Variants in MYOCD observed in about 807,000 individuals in gnomAD.
The protein encoded by MYOCD is myocardin.
A neutral mutation model predicts 96.1 loss-of-function variants in MYOCD; 32 were observed. The ratio of observed to expected loss-of-function variants is 0.33; its 90% CI spans 0.25 to 0.45. The LOEUF (loss-of-function observed/expected upper bound fraction) is 0.45, where lower values mean the gene tolerates loss of function less well. Ranked by LOEUF, MYOCD falls within the 20% of genes least tolerant of loss-of-function variation. The probability of loss-of-function intolerance (pLI) is 1.00; values close to 1 mark genes in which losing one functional copy is unlikely to be tolerated. For synonymous variants in MYOCD, 469 were observed against 469.0 expected (o/e 1.00, Z 0.00); for missense variants, 1,133 against 1,200.6 (o/e 0.94, Z 0.83).
chr17:12,760,429 G>C lies in MYOCD; in HGVS notation c.2332-221G>C, dbSNP rs2033137360. On this transcript the variant is annotated intron_variant, in intron 12 of 13. Transcript: ENST00000425538. ...GAAAAGAATTCTGAAGACAGATGGT[G>C]GTGATGGTCACACAATTGTGTGAAT... is the stretch of plus-strand genomic sequence containing the variant. 3 of 506,930 alleles carry C rather than the reference G, an allele frequency of 5.9e-6. No homozygotes were observed. In the South Asian group the frequency reaches 7.2e-5, roughly 12 times the overall value. The allele number at this position is 506,930 out of a possible 1,614,324, so 31.4% of individuals were successfully genotyped here. A position where few individuals can be genotyped will look rare whatever the true frequency, so the allele number is the denominator to read the frequency against.
rs1463023110 is a variant in MYOCD at position 12,764,397 on chromosome 17, T to A, written c.*753T>A. The A allele has an allele frequency of 6.6e-6, 1 of 152,308 alleles. No homozygotes were observed. The highest frequency in any genetic ancestry group is 6.5e-5 in the Admixed American group (1 of 15,288). The allele number at this position is 152,308 out of a possible 1,614,324, so 9.4% of individuals were successfully genotyped here. ...CCATCTCTGTGCTGATAAGTACGTGTCCTAGATGAGAACCCTGAAGAATGC... is the reference window on the plus strand; with the variant it reads ...CCATCTCTGTGCTGATAAGTACGTGACCTAGATGAGAACCCTGAAGAATGC... On this transcript the variant is annotated 3_prime_UTR_variant, in exon 14 of 14. Coordinates refer to ENST00000425538, the MANE Select transcript of MYOCD (RefSeq NM_001146312.3).
At chr17:12,751,308 T>C (rs2032846402) in intron 9 of MYOCD, among the ~76,000 whole-genome samples, 1 of 151,582 alleles carries the variant, frequency 6.6e-6, no homozygotes, top group African/African-American at 2.4e-5. Flanking sequence ...TGTACATACA[T>C]TGTTTATATA....
chr17:12,693,540 GCAGCGGTGGCAGT>G (rs2030572482), intron 1 of MYOCD, among the ~76,000 whole-genome samples: 1 of 151,848 alleles, frequency 6.6e-6, no homozygotes, highest in Non-Finnish European at 1.5e-5. Flanking sequence ...AACCTGGGAG[GCAGCGGTGGCAGT>G]GAGCCAAGAT....
At chr17:12,756,289 T>C in intron 10 of MYOCD, 125 bp from the exon 11 acceptor site, 1 of 1,141,726 alleles carries the variant, frequency 8.8e-7, no homozygotes, top group Admixed American at 2.0e-5. Context: ...CATCTGGTAA[T>C]GGAATTTAGG....
rs765105192 is a variant in MYOCD at position 12,763,403 on chromosome 17, G to A, written c.2720G>A (p.Gly907Asp). 5.6e-6 allele frequency: 9 copies of A among 1,606,032 alleles called. No individual in the cohort carries two copies. The highest frequency in any genetic ancestry group is 7.7e-6 in the Non-Finnish European group (9 of 1,175,136). Reference protein sequence around the residue: ...DLFNAHEILPGPLSPMQTQFS... With the variant: ...DLFNAHEILPDPLSPMQTQFS... ...TTCAATGCACATGAGATCTTGCCAGGCCCCCTCTCTCCAATGCAGACACAG... is the reference window on the plus strand; with the variant it reads ...TTCAATGCACATGAGATCTTGCCAGACCCCCTCTCTCCAATGCAGACACAG... The change falls in exon 14 of 14, where the codon GGC becomes GAC. Residue 907 changes from glycine to aspartate, a missense_variant. Transcript: ENST00000425538.
intron 5 of MYOCD, among the ~76,000 whole-genome samples, chr17:12,734,504 C>CTTTTTTTTTTT (rs3050319): frequency 3.1e-5 from 2 of 65,476 alleles, no homozygotes; most frequent in African/African-American, 6.4e-5. Context: ...ACACATGATC[C>CTTTTTTTTTTT]TTTTTTTTTT....
chr17:12,741,341 C>A (rs2032501929), intron 7 of MYOCD, among the ~76,000 whole-genome samples: 1 of 152,082 alleles, frequency 6.6e-6, no homozygotes, highest in Non-Finnish European at 1.5e-5. Flanking sequence ...GGAGATGAGT[C>A]CCGTTATTTC....
chr17:12,758,342 TA>T, intron 12 of MYOCD, 129 bp downstream of exon 12: 1 of 1,347,620 alleles, frequency 7.4e-7, no homozygotes, highest in South Asian at 1.4e-5. Flanking sequence ...ACCACCAAAA[TA>T]AGCAAATTAT....
At chr17:12,728,402 A>G (rs1409484173) in intron 5 of MYOCD, among the ~76,000 whole-genome samples, 2 of 152,196 alleles carry the variant, frequency 1.3e-5, no homozygotes, top group African/African-American at 4.8e-5. Context: ...TTTCAGCTCC[A>G]AAAGACAAGC....
At chr17:12,701,675 G>A (rs1432395372) in intron 1 of MYOCD, among the ~76,000 whole-genome samples, 1 of 151,998 alleles carries the variant, frequency 6.6e-6, no homozygotes, top group African/African-American at 2.4e-5. Context: ...AAAACTCTAA[G>A]TTTCCCTCTC....
At chr17:12,731,703 C>T (rs996990639) in intron 5 of MYOCD, among the ~76,000 whole-genome samples, 4 of 152,190 alleles carry the variant, frequency 2.6e-5, no homozygotes, top group Non-Finnish European at 4.4e-5. Context: ...CCAACTGTCA[C>T]GCTATCCCTG....
At position 12,717,213 on chromosome 17, in the gene MYOCD, T is replaced by G. The variant is rs1240581723; in HGVS notation, c.178-133T>G. 2.1e-5 allele frequency: 14 copies of G among 654,446 alleles called. No homozygotes were observed. In the Admixed American group the frequency reaches 2.6e-4, roughly 12 times the overall value. The allele number at this position is 654,446 out of a possible 1,614,324, so 40.5% of individuals were successfully genotyped here. On this transcript the variant is annotated intron_variant, in intron 3 of 13. Transcript: ENST00000425538. ...CTCGAGGGGTCTTTGGAAATGTTCC[T>G]TCATCAAAATGTGGGACACCAAGAA... is the stretch of plus-strand genomic sequence containing the variant.
intron 1 of MYOCD, among the ~76,000 whole-genome samples, chr17:12,686,802 AG>A (rs1246051647): frequency 6.6e-6 from 1 of 152,180 alleles, no homozygotes; most frequent in Non-Finnish European, 1.5e-5. Flanking sequence ...TGGAAAGGGA[AG>A]GGTTCCCTCT....
At chr17:12,716,351 C>T (rs1161651203) in intron 3 of MYOCD, among the ~76,000 whole-genome samples, 2 of 111,724 alleles carry the variant, frequency 1.8e-5, no homozygotes, top group East Asian at 5.2e-4. Flanking sequence ...GGAGTGATTC[C>T]CAGACCCCTC....
intron 4 of MYOCD, among the ~76,000 whole-genome samples, chr17:12,719,174 CAAAAAAAAAAAAAAAA>C (rs71144920): frequency 6.1e-5 from 3 of 49,158 alleles, no homozygotes; most frequent in African/African-American, 1.2e-4. Context: ...GACTCTGTCT[CAAAAAAAAAAAAAAAA>C]AAAAAAAAAA....
Position 12,763,427 on chromosome 17 carries a change from A to G in MYOCD, c.2744A>G (p.Gln915Arg), listed in dbSNP as rs577405170. Residue 915 changes from glutamine (Q) to arginine (R), a missense_variant, in exon 14 of 14, where the codon CAG (glutamine) becomes CGG (arginine). Physicochemically the swap from Gln to Arg is conservative, Grantham distance 43. Coordinates refer to ENST00000425538, the MANE Select transcript of MYOCD (RefSeq NM_001146312.3). ...LPGPLSPMQTQFSPSSVDSNG... is the reference protein window; with the variant it reads ...LPGPLSPMQTRFSPSSVDSNG... ...GGCCCCCTCTCTCCAATGCAGACAC[A>G]GTTTTCACCCTCTTCTGTGGACAGC... The G allele has an allele frequency of 3.8e-5, 62 of 1,612,448 alleles. No homozygotes were observed. The highest frequency in any genetic ancestry group is 5.0e-5 in the Non-Finnish European group (59 of 1,178,966).
At chr17:12,752,135 G>A (rs1408608162) in intron 9 of MYOCD, among the ~76,000 whole-genome samples, 3 of 152,112 alleles carry the variant, frequency 2.0e-5, no homozygotes, top group East Asian at 3.9e-4. Context: ...GAGGGATGAC[G>A]GGCAGTAGAT....
chr17:12,768,201 C>T lies in MYOCD; in HGVS notation c.*4557C>T, dbSNP rs566747622. 1 of 152,090 alleles carries T rather than the reference C, an allele frequency of 6.6e-6. No individual in the cohort carries two copies. The highest frequency in any genetic ancestry group is 1.5e-5 in the Non-Finnish European group (1 of 68,016). The allele number at this position is 152,090 out of a possible 1,614,324, so 9.4% of individuals were successfully genotyped here. A position where few individuals can be genotyped will look rare whatever the true frequency, so the allele number is the denominator to read the frequency against. ...GCCCAGGTCCTGGAACAAGACAATC[C>T]TGTAGTGCCAAGATCTGGTCAGTTG... On this transcript the variant is annotated 3_prime_UTR_variant, in exon 14 of 14. Coordinates refer to ENST00000425538, the MANE Select transcript of MYOCD (RefSeq NM_001146312.3).
At chr17:12,747,258 C>T (rs762178296) in intron 9 of MYOCD, among the ~76,000 whole-genome samples, 4 of 152,184 alleles carry the variant, frequency 2.6e-5, no homozygotes, top group East Asian at 1.9e-4. Context: ...TTGTATGAGA[C>T]GTGAGTGGAA....
Sources: gnomAD v4.1 joint callset for allele counts (sites outside exome capture counted in the v4.1 genomes callset) on GRCh38, gnomAD v4.1.1 for gene constraint, MANE v1.5 for transcripts, NCBI Gene and HGNC (gene_info 2026-07-23, HGNC 2026-07-21) for gene names.